Variants in VNN2 observed in about 807,000 individuals in gnomAD.
The protein encoded by VNN2 is pantetheine hydrolase VNN2.
In VNN2, 43 loss-of-function variants were observed where a neutral mutation model predicts 43.0. That is an observed-to-expected ratio of 1.00 (90% confidence interval 0.78 to 1.29). The LOEUF (loss-of-function observed/expected upper bound fraction) is 1.29, where lower values mean the gene tolerates loss of function less well. Ranked by LOEUF, VNN2 falls within the 50% of genes most tolerant of loss-of-function variation. VNN2 has a pLI of 0.00. For synonymous variants in VNN2, 230 were observed against 224.3 expected (o/e 1.03, Z -0.23); for missense variants, 652 against 619.7 (o/e 1.05, Z -0.55).
chr6:132,755,535 C>T (rs1047491677), intron 3 of VNN2, among the ~76,000 whole-genome samples: 5 of 151,666 alleles, frequency 3.3e-5, no homozygotes, highest in South Asian at 2.1e-4. Flanking sequence ...CATCACGCCC[C>T]GCTAATTTTT....
At chr6:132,756,129 A>G in intron 2 of VNN2, 94 bp from the exon 3 acceptor site, 2 of 1,197,548 alleles carry the variant, frequency 1.7e-6, no homozygotes, top group Non-Finnish European at 2.3e-6. Flanking sequence ...CTTAAGTGGA[A>G]CTTAAGTTAA....
intron 6 of VNN2, among the ~76,000 whole-genome samples, chr6:132,746,633 C>T (rs1031481605): frequency 6.6e-6 from 1 of 152,060 alleles, no homozygotes; most frequent in East Asian, 1.9e-4. Flanking sequence ...ATCACATTGC[C>T]TCAGGCTTCT....
intron 4 of VNN2, 114 bp downstream of exon 4, chr6:132,752,347 G>T (rs34784326): frequency 0.011 from 13,578 of 1,256,826 alleles, 104 homozygotes; most frequent in Non-Finnish European, 0.014. Flanking sequence ...GTGAAACTAT[G>T]ACAAACACAG....
At chr6:132,752,801 T>C (rs769566136) in intron 3 of VNN2, 52 bp from the exon 4 acceptor site, 1 of 1,554,312 alleles carries the variant, frequency 6.4e-7, no homozygotes, top group Non-Finnish European at 8.7e-7. Flanking sequence ...GTTGAAGAAA[T>C]GACTCATAAA....
chr6:132,755,108 T>A (rs139023228), intron 3 of VNN2, among the ~76,000 whole-genome samples: 1 of 152,238 alleles, frequency 6.6e-6, no homozygotes, highest in East Asian at 1.9e-4. Flanking sequence ...AGTTTGAGGT[T>A]AACAGTGAGC....
At position 132,751,274 on chromosome 6, in the gene VNN2, G is replaced by C; in HGVS notation, c.1071C>G (p.Asn357Lys). 6.2e-7 allele frequency: 1 copy of C among 1,614,126 alleles called. No individual in the cohort carries two copies. Residue 357 changes from asparagine (N) to lysine (K), a missense_variant, in exon 5 of 7, where the codon AAC (asparagine) becomes AAG (lysine). Coordinates refer to ENST00000326499, the MANE Select transcript of VNN2 (RefSeq NM_004665.6). ...NFTELFENAG[N>K]LTVCQKELCC... The stretch of plus-strand genomic sequence containing the variant: ...AAAGCTCCTTTTGACAGACTGTAAG[G>C]TTTCCTGCATTTTCAAAAAGTTCTG...
At chr6:132,747,394 A>G (rs1209989231) in intron 6 of VNN2, among the ~76,000 whole-genome samples, 10 of 152,136 alleles carry the variant, frequency 6.6e-5, no homozygotes, top group Admixed American at 5.9e-4. Flanking sequence ...GAGGTGGCAG[A>G]TCACTAGATG....
intron 1 of VNN2, 36 bp from the exon 2 acceptor site, chr6:132,757,582 A>G: frequency 6.2e-7 from 1 of 1,610,676 alleles, no homozygotes; most frequent in South Asian, 1.1e-5. Flanking sequence ...TGATTTTTCC[A>G]TGTACAACAC....
chr6:132,755,819 T>A, intron 3 of VNN2, 24 bp downstream of exon 3: 1 of 1,588,026 alleles, frequency 6.3e-7, no homozygotes, highest in Non-Finnish European at 8.6e-7. Context: ...CGCTCCATTT[T>A]ACACGTCCGT....
chr6:132,749,560 A>G, intron 6 of VNN2, 135 bp downstream of exon 6: 1 of 934,026 alleles, frequency 1.1e-6, no homozygotes, highest in Non-Finnish European at 1.6e-6. Context: ...GCCAACCCAC[A>G]GAACCAGGGC....
chr6:132,752,503 G>T lies in VNN2; in HGVS notation c.784C>A (p.Leu262Ile). 6.2e-7 allele frequency: 1 copy of T among 1,614,032 alleles called. No individual in the cohort carries two copies. The highest frequency in any genetic ancestry group is 1.7e-5 in the Admixed American group (1 of 60,010). Residue 262 changes from leucine to isoleucine, a missense_variant, in exon 4 of 7, where the codon CTT (leucine) becomes ATT (isoleucine). Transcript: ENST00000326499. ...SAWAMGMGVN[L>I]LVANTHHVSL... ...ACATGATGTGTGTTGGCCACAAGAA[G>T]ATTAACTCCCATTCCCATTGCCCAA...
rs942182804 is a variant in VNN2, at chr6:132,756,041, C to T, written c.345-6G>A. The T allele has an allele frequency of 6.4e-7, 1 of 1,554,266 alleles. No homozygotes were observed. Among genetic ancestry groups the T allele is most frequent in the South Asian group, 1.2e-5 (1 of 81,524 alleles). On this transcript the variant is annotated splice_region_variant and splice_polypyrimidine_tract_variant and intron_variant, in intron 2 of 6. Coordinates refer to ENST00000326499, the MANE Select transcript of VNN2 (RefSeq NM_004665.6). The stretch of plus-strand genomic sequence containing the variant: ...GTACTGGTGTGTGACCAAATCTAAA[C>T]CAAATTATAATTAAGAAATTTCAAT...
rs779855885 is a variant in VNN2 at position 132,749,844 on chromosome 6, T to G, written c.1222A>C (p.Lys408Gln). Reference protein sequence around the residue: ...YWQVCTLLKCKTTNLTTCGRP... With the variant: ...YWQVCTLLKCQTTNLTTCGRP... Reference sequence around the variant, plus strand: ...CCACAAGTTGTCAAATTAGTAGTTTTGCACTTCAGCAGTGTGCAGACCTAT... The same window carrying G: ...CCACAAGTTGTCAAATTAGTAGTTTGGCACTTCAGCAGTGTGCAGACCTAT... The change falls in exon 6 of 7, where the codon AAA becomes CAA. Residue 408 changes from lysine to glutamine, a missense_variant. Physicochemically the swap from Lys to Gln is moderately conservative, Grantham distance 53. Coordinates refer to ENST00000326499, the MANE Select transcript of VNN2 (RefSeq NM_004665.6). 5.6e-6 allele frequency: 9 copies of G among 1,614,096 alleles called. No individual in the cohort carries two copies. Among genetic ancestry groups the G allele is most frequent in the Non-Finnish European group, 5.9e-6 (7 of 1,179,972 alleles).
In VNN2 at chr6:132,752,445, C is replaced by T. The variant is rs1248763939; in HGVS notation, c.826+16G>A. 3 of 1,603,476 alleles carry T rather than the reference C, an allele frequency of 1.9e-6. No individual in the cohort carries two copies. Among genetic ancestry groups the T allele is most frequent in the South Asian group, 1.1e-5 (1 of 89,850 alleles). ...CTTAAAAATATAAGATGAAACCTAA[C>T]CTGGTCATGAATTACCTGTCATATT... On this transcript the variant is annotated intron_variant, in intron 4 of 6. Coordinates refer to ENST00000326499, the MANE Select transcript of VNN2 (RefSeq NM_004665.6).
In VNN2 at chr6:132,757,876, G is replaced by T; in HGVS notation, c.8C>A (p.Thr3Asn). Residue 3 changes from threonine to asparagine, a missense_variant, in exon 1 of 7, where the codon ACT becomes AAT. Thr to Asn is a moderately conservative substitution (Grantham distance 65, BLOSUM62 0). Transcript: ENST00000326499. The stretch of plus-strand genomic sequence containing the variant: ...TGCCACAGAGATTGGAAAAGAGGAA[G>T]TGACCATGGCCAAGGTTTAGTGATT... MV[T>N]SSFPISVAVF... The T allele has an allele frequency of 6.2e-7, 1 of 1,613,562 alleles. No individual in the cohort carries two copies. Among genetic ancestry groups the T allele is most frequent in the East Asian group, 2.2e-5 (1 of 44,862 alleles).
upstream of VNN2, among the ~76,000 whole-genome samples, chr6:132,761,426 G>C (rs187713187): frequency 6.6e-6 from 1 of 151,612 alleles, no homozygotes; most frequent in South Asian, 2.1e-4. Flanking sequence ...TTGGGAGGCC[G>C]AGGCGGGCGA....
Position 132,752,494 on chromosome 6 carries a change from C to T in VNN2, c.793G>A (p.Ala265Thr). ...AMGMGVNLLV[A>T]NTHHVSLNMT... is the part of the protein sequence containing the mutation. Reference sequence around the variant, plus strand: ...TTTAGGCTGACATGATGTGTGTTGGCCACAAGAAGATTAACTCCCATTCCC... The same window carrying T: ...TTTAGGCTGACATGATGTGTGTTGGTCACAAGAAGATTAACTCCCATTCCC... Residue 265 changes from alanine (A) to threonine (T), a missense_variant, in exon 4 of 7, where the codon GCC becomes ACC. Coordinates refer to ENST00000326499, the MANE Select transcript of VNN2 (RefSeq NM_004665.6). 6.2e-7 allele frequency: 1 copy of T among 1,613,984 alleles called. No homozygotes were observed. Among genetic ancestry groups the T allele is most frequent in the Non-Finnish European group, 8.5e-7 (1 of 1,179,954 alleles).
At chr6:132,758,985 C>T (rs755466324), upstream of VNN2, among the ~76,000 whole-genome samples, 1 of 151,244 alleles carries the variant, frequency 6.6e-6, no homozygotes, top group Admixed American at 6.6e-5. Context: ...TACTCCTTCT[C>T]CTCCTTCTTT....
upstream of VNN2, among the ~76,000 whole-genome samples, chr6:132,762,170 G>C (rs1487230549): frequency 2.0e-5 from 3 of 152,114 alleles, no homozygotes; most frequent in Non-Finnish European, 4.4e-5. Context: ...AACTGCAGTG[G>C]GGTAGCAAAG....
Sources: gnomAD v4.1 joint callset for allele counts (sites outside exome capture counted in the v4.1 genomes callset) on GRCh38, gnomAD v4.1.1 for gene constraint, MANE v1.5 for transcripts, NCBI Gene and HGNC (gene_info 2026-07-23, HGNC 2026-07-21) for gene names.